The following LOXHD1 variants were observed in gnomAD, a reference collection of about 807,000 sequenced individuals.
The protein encoded by LOXHD1 is lipoxygenase homology PLAT domains 1.
LOXHD1 carries 205 observed loss-of-function variants against 248.2 expected under a neutral mutation model. The ratio of observed to expected loss-of-function variants is 0.83; its 90% CI spans 0.74 to 0.93. The LOEUF is 0.93. Ranked by LOEUF, LOXHD1 falls within the 40% of genes least tolerant of loss-of-function variation. LOXHD1 has a pLI of 0.00. For synonymous variants in LOXHD1, 1,113 were observed against 1,162.8 expected (o/e 0.96, Z 0.87); for missense variants, 2,930 against 2,971.6 (o/e 0.99, Z 0.33).
chr18:46,640,938 C>A (rs934770363), intron 3 of LOXHD1, among the ~76,000 whole-genome samples: 20 of 152,178 alleles, frequency 1.3e-4, no homozygotes, highest in African/African-American at 4.6e-4. Context: ...CAGCTCAATA[C>A]AGCACACAAC....
intron 40 of LOXHD1, among the ~76,000 whole-genome samples, chr18:46,478,448 A>G (rs1385437587): frequency 1.3e-5 from 2 of 151,986 alleles, no homozygotes; most frequent in Non-Finnish European, 2.9e-5. Context: ...ATCATCTCCT[A>G]TTTGGAAATT....
At chr18:46,608,368 C>T (rs1398905177) in intron 6 of LOXHD1, among the ~76,000 whole-genome samples, 1 of 152,122 alleles carries the variant, frequency 6.6e-6, no homozygotes, top group Non-Finnish European at 1.5e-5. Context: ...GGCATATGAA[C>T]CTGCCTCCTT....
intron 34 of LOXHD1, among the ~76,000 whole-genome samples, chr18:46,517,164 T>A (rs1032592000): frequency 6.6e-6 from 1 of 152,172 alleles, no homozygotes; most frequent in African/African-American, 2.4e-5. Flanking sequence ...TCTCTGGTTC[T>A]TAAGATGTCA....
At position 46,563,067 on chromosome 18, in the gene LOXHD1, G is replaced by A. The variant is rs2144035251; in HGVS notation, c.2596C>T (p.Gln866Ter). The change falls in exon 18 of 41, where the codon CAG becomes TAG. Residue 866 changes from glutamine (Q) to a stop codon, truncating the protein, a stop_gained and splice_region_variant. Transcript: ENST00000642948. LOFTEE classifies it high-confidence loss of function. ...CCCCGCTCCTCGACCCCACATACCT[G>A]GAATGTGTCCTTGGACGCCCGTTCA... ...VFERASKDTFQLEAADVGEVY... is the reference protein window; with the variant it reads ...VFERASKDTF The A allele has an allele frequency of 1.3e-6, 2 of 1,540,280 alleles. No individual in the cohort carries two copies. Among genetic ancestry groups the A allele is most frequent in the Non-Finnish European group, 1.8e-6 (2 of 1,137,558 alleles).
chr18:46,508,830 T>C lies in LOXHD1; in HGVS notation c.5517+868A>G, dbSNP rs537189730. 2.0e-5 allele frequency among the ~76,000 whole-genome samples: 3 copies of C among 152,340 alleles called. No individual in the cohort carries two copies. The South Asian group carries it at 6.2e-4, about 32-fold the overall frequency. On this transcript the variant is annotated intron_variant, in intron 35 of 40. Transcript: ENST00000642948. ...GAGCCACTCTTAGCATGGAAAGCCCTTGGACTCCTAACATCACAGTGGTTC... is the reference window on the plus strand; with the variant it reads ...GAGCCACTCTTAGCATGGAAAGCCCCTGGACTCCTAACATCACAGTGGTTC...
chr18:46,614,248 T>C (rs1183745335), intron 5 of LOXHD1, among the ~76,000 whole-genome samples: 1 of 152,214 alleles, frequency 6.6e-6, no homozygotes, highest in African/African-American at 2.4e-5. Flanking sequence ...TAAATCATGC[T>C]GCTATAAAGA....
chr18:46,477,094 G>A (rs2032064911), downstream of LOXHD1: 15 of 703,580 alleles, frequency 2.1e-5, no homozygotes, highest in Admixed American at 3.2e-4. Context: ...CTTTTTTGGG[G>A]AAAAGTGTTA....
intron 34 of LOXHD1, among the ~76,000 whole-genome samples, chr18:46,515,312 T>C (rs1429969930): frequency 6.6e-6 from 1 of 152,184 alleles, no homozygotes; most frequent in African/African-American, 2.4e-5. Flanking sequence ...CTAGTCAAGA[T>C]ACAGACATTC....
At chr18:46,605,273 T>C (rs893447364) in intron 6 of LOXHD1, among the ~76,000 whole-genome samples, 2 of 152,152 alleles carry the variant, frequency 1.3e-5, no homozygotes, top group African/African-American at 4.8e-5. Flanking sequence ...CACACCGTAA[T>C]CCCAGCACTT....
At chr18:46,521,019 T>C (rs2035549626) in intron 33 of LOXHD1, 78 bp downstream of exon 33, 1 of 1,482,602 alleles carries the variant, frequency 6.7e-7, no homozygotes, top group Admixed American at 2.0e-5. Flanking sequence ...CTTCTTCCAC[T>C]TCTGTCTCCC....
At chr18:46,492,583 T>C (rs1367743106) in intron 37 of LOXHD1, among the ~76,000 whole-genome samples, 1 of 152,192 alleles carries the variant, frequency 6.6e-6, no homozygotes, top group Non-Finnish European at 1.5e-5. Context: ...ATTATTACGA[T>C]TTAAGGTGAG....
intron 5 of LOXHD1, among the ~76,000 whole-genome samples, chr18:46,614,127 C>T (rs146279384): frequency 0.023 from 3,573 of 152,250 alleles, 131 homozygotes; most frequent in East Asian, 0.073. Flanking sequence ...GGTGGGACTG[C>T]AAACTAGTTC....
chr18:46,511,507 T>C (rs1676169438), intron 34 of LOXHD1, among the ~76,000 whole-genome samples: 1 of 152,216 alleles, frequency 6.6e-6, no homozygotes, highest in African/African-American at 2.4e-5. Flanking sequence ...TTTCCTTCTG[T>C]TCCTGCCTGC....
At chr18:46,485,273 G>T in intron 38 of LOXHD1, 122 bp from the exon 39 acceptor site, 1 of 1,137,962 alleles carries the variant, frequency 8.8e-7, no homozygotes, top group Non-Finnish European at 1.2e-6. Context: ...CTGGGGGTGG[G>T]GGAGGCAGGT....
At chr18:46,514,305 G>A (rs181928762) in intron 34 of LOXHD1, among the ~76,000 whole-genome samples, 1 of 152,086 alleles carries the variant, frequency 6.6e-6, no homozygotes, top group Non-Finnish European at 1.5e-5. Context: ...CCTGACTCGG[G>A]TGCCCCTGGA....
At chr18:46,579,600 G>C (rs2037923625) in intron 13 of LOXHD1, 30 bp downstream of exon 13, 1 of 1,551,558 alleles carries the variant, frequency 6.4e-7, no homozygotes, top group African/African-American at 1.4e-5. Flanking sequence ...GGGAGGAAGG[G>C]GATGAGTGGG....
At chr18:46,565,026 G>GCC (rs1038770531) in intron 17 of LOXHD1, among the ~76,000 whole-genome samples, 2 of 152,120 alleles carry the variant, frequency 1.3e-5, no homozygotes, top group African/African-American at 4.8e-5. Flanking sequence ...CACTTTGGGA[G>GCC]CCCAAGGCGG....
chr18:46,522,782 C>T (rs960718571), intron 31 of LOXHD1, among the ~76,000 whole-genome samples: 7 of 152,262 alleles, frequency 4.6e-5, no homozygotes, highest in East Asian at 1.9e-4. Context: ...AATGAAAGTC[C>T]TAGAAGACAG....
At chr18:46,550,916 C>T (rs2037071376) in intron 21 of LOXHD1, among the ~76,000 whole-genome samples, 1 of 152,040 alleles carries the variant, frequency 6.6e-6, no homozygotes, top group Non-Finnish European at 1.5e-5. Context: ...GTCTGTTCCT[C>T]CTGCTGGGAA....
Sources: gnomAD v4.1 joint callset for allele counts (sites outside exome capture counted in the v4.1 genomes callset) on GRCh38, gnomAD v4.1.1 for gene constraint, MANE v1.5 for transcripts, NCBI Gene and HGNC (gene_info 2026-07-23, HGNC 2026-07-21) for gene names.